Variants in SMURF2 observed in about 807,000 individuals in gnomAD.
SMURF2 encodes the protein E3 ubiquitin-protein ligase SMURF2.
A neutral mutation model predicts 109.6 loss-of-function variants in SMURF2; 48 were observed. That is an observed-to-expected ratio of 0.44 (90% CI 0.35 to 0.56). The LOEUF (loss-of-function observed/expected upper bound fraction) is 0.56. Among genes scored for constraint, SMURF2 ranks in the 20% least tolerant of loss-of-function variants. The pLI, the probability that SMURF2 is intolerant of heterozygous loss-of-function variation, is 0.01. For synonymous variants in SMURF2, 288 were observed against 317.1 expected (o/e 0.91, Z 0.97); for missense variants, 575 against 909.0 (o/e 0.63, Z 4.72).
At chr17:64,550,776 A>AAAAAAG (rs1555683534) in intron 16 of SMURF2, among the ~76,000 whole-genome samples, 1 of 150,230 alleles carries the variant, frequency 6.7e-6, no homozygotes, top group African/African-American at 2.5e-5. Context: ...AAAAAAAAAA[A>AAAAAAG]AGAGAGAGAC....
chr17:64,610,850 C>G (rs1970034246), intron 1 of SMURF2, among the ~76,000 whole-genome samples: 1 of 152,194 alleles, frequency 6.6e-6, no homozygotes, highest in Non-Finnish European at 1.5e-5. Flanking sequence ...GGCTTCCTCC[C>G]TCACCATTGC....
rs1555684968 is a variant in SMURF2, at chr17:64,566,558, C to CTGGTT, written c.1017-3597_1017-3593dup. On this transcript the variant is annotated intron_variant, in intron 10 of 18. Transcript: ENST00000262435. The stretch of plus-strand genomic sequence containing the variant: ...ACGGATGTAGAAATGCTTAAGCTTT[C>CTGGTT]TGGTTTTTTTTTTTTTTTTTTTTTT... Among the ~76,000 whole-genome samples the CTGGTT allele has an allele frequency of 2.3e-3, 67 of 28,516 alleles. 3 individuals are homozygous for CTGGTT. The highest frequency in any genetic ancestry group is 7.3e-3 in the Admixed American group (13 of 1,780). The allele number at this position is 28,516 out of a possible 152,430, so 18.7% of individuals were successfully genotyped here. A position where few individuals can be genotyped will look rare whatever the true frequency, so the allele number is the denominator to read the frequency against.
chr17:64,662,056 C>A lies in SMURF2; in HGVS notation c.-176G>T. ...GCCATGAGCCGCGGAGGGAGCGGGACGCCGAGCTCCCCCCTCCTCCCACTT... is the reference window on the plus strand; with the variant it reads ...GCCATGAGCCGCGGAGGGAGCGGGAAGCCGAGCTCCCCCCTCCTCCCACTT... On this transcript the variant is annotated 5_prime_UTR_variant, in exon 1 of 19. Coordinates refer to ENST00000262435, the MANE Select transcript of SMURF2 (RefSeq NM_022739.4). The A allele has an allele frequency of 9.0e-7, 1 of 1,106,408 alleles. No homozygotes were observed. 68.5% of individuals were successfully genotyped at this position (1,106,408 alleles called of 1,614,324 possible). A position where few individuals can be genotyped will look rare whatever the true frequency, so the allele number is the denominator to read the frequency against.
intron 3 of SMURF2, among the ~76,000 whole-genome samples, chr17:64,597,396 G>C (rs1459533473): frequency 4.6e-5 from 7 of 152,090 alleles, no homozygotes; most frequent in South Asian, 2.1e-4. Flanking sequence ...CTGAGCAATA[G>C]AGTGAGACTG....
intron 1 of SMURF2, among the ~76,000 whole-genome samples, chr17:64,656,562 G>C (rs1264316441): frequency 6.6e-6 from 1 of 151,990 alleles, no homozygotes; most frequent in Non-Finnish European, 1.5e-5. Context: ...TCCAACTCTT[G>C]TAAGAAGCAG....
chr17:64,609,686 G>A (rs1310979384), intron 1 of SMURF2, among the ~76,000 whole-genome samples: 2 of 128,312 alleles, frequency 1.6e-5, no homozygotes, highest in African/African-American at 8.4e-5. Context: ...GAAAACCTAG[G>A]CAATACCATT....
At chr17:64,596,875 T>C (rs8072286) in intron 3 of SMURF2, among the ~76,000 whole-genome samples, 2 of 152,254 alleles carry the variant, frequency 1.3e-5, no homozygotes, top group South Asian at 2.1e-4. Flanking sequence ...AGGAGATAAA[T>C]AGATAACTAA....
chr17:64,628,288 GA>G (rs1970293794), intron 1 of SMURF2, among the ~76,000 whole-genome samples: 1 of 152,160 alleles, frequency 6.6e-6, no homozygotes, highest in Non-Finnish European at 1.5e-5. Flanking sequence ...AGAATACTCA[GA>G]AAACTCAAAC....
At chr17:64,629,214 G>C (rs2043334084) in intron 1 of SMURF2, among the ~76,000 whole-genome samples, 2 of 152,186 alleles carry the variant, frequency 1.3e-5, no homozygotes, top group Non-Finnish European at 2.9e-5. Flanking sequence ...CTAATCAGAA[G>C]AAAGTTTAAG....
At chr17:64,602,742 C>T (rs1969915132) in intron 2 of SMURF2, among the ~76,000 whole-genome samples, 1 of 152,152 alleles carries the variant, frequency 6.6e-6, no homozygotes, top group Non-Finnish European at 1.5e-5. Context: ...TCCTGGCTAA[C>T]ACGGTGCAAC....
chr17:64,549,208 G>T (rs1411579596), intron 16 of SMURF2, among the ~76,000 whole-genome samples: 1 of 146,556 alleles, frequency 6.8e-6, no homozygotes, highest in Admixed American at 6.9e-5. Context: ...AGGAAGTAGA[G>T]GTTGTAGGGA....
chr17:64,606,548 G>A (rs2144675327), intron 2 of SMURF2, 54 bp downstream of exon 2: 6 of 1,250,238 alleles, frequency 4.8e-6, no homozygotes, highest in East Asian at 2.5e-5. Flanking sequence ...TTCTGAAAAC[G>A]CTGTTCCCAA....
intron 1 of SMURF2, among the ~76,000 whole-genome samples, chr17:64,636,196 G>T (rs1970414057): frequency 6.6e-6 from 1 of 151,938 alleles, no homozygotes; most frequent in South Asian, 2.1e-4. Flanking sequence ...TGTTCTCAGG[G>T]GATCCTCCCA....
intron 1 of SMURF2, among the ~76,000 whole-genome samples, chr17:64,646,044 G>A (rs1478421422): frequency 6.6e-6 from 1 of 151,920 alleles, no homozygotes; most frequent in Admixed American, 6.6e-5. Flanking sequence ...TCTGGGAAAT[G>A]GCATTTGACT....
At chr17:64,588,759 A>G (rs1267413408) in intron 5 of SMURF2, among the ~76,000 whole-genome samples, 4 of 152,054 alleles carry the variant, frequency 2.6e-5, no homozygotes, top group African/African-American at 9.7e-5. Flanking sequence ...AGCTGGGACT[A>G]CAGGCACACA....
chr17:64,578,579 G>A lies in SMURF2; in HGVS notation c.773-3C>T. The A allele has an allele frequency of 6.2e-7, 1 of 1,604,032 alleles. No individual in the cohort carries two copies. Among genetic ancestry groups the A allele is most frequent in the African/African-American group, 1.3e-5 (1 of 74,826 alleles). On this transcript the variant is annotated splice_polypyrimidine_tract_variant and splice_region_variant and intron_variant, in intron 8 of 18. Coordinates refer to ENST00000262435, the MANE Select transcript of SMURF2 (RefSeq NM_022739.4). ...GCCTTGTTGCGTTGTCCTCTGTTCTGTAAAATTAATAAACACTGATAACAA... is the reference window on the plus strand; with the variant it reads ...GCCTTGTTGCGTTGTCCTCTGTTCTATAAAATTAATAAACACTGATAACAA...
intron 1 of SMURF2, among the ~76,000 whole-genome samples, chr17:64,618,261 C>T (rs568150929): frequency 3.3e-5 from 5 of 152,086 alleles, no homozygotes; most frequent in South Asian, 2.1e-4. Flanking sequence ...AGTGAGACTC[C>T]GCCTCTAAAA....
chr17:64,589,027 G>A lies in SMURF2; in HGVS notation c.400+2057C>T, dbSNP rs1969711667. 2.0e-5 allele frequency among the ~76,000 whole-genome samples: 3 copies of A among 152,044 alleles called. No homozygotes were observed. The South Asian group carries it at 6.2e-4, about 32-fold the overall frequency. ...ATTTGTTAGAGGGCTCATTCTGAAC[G>A]AACTGGAACTCATTCTGTTTTTGAA... On this transcript the variant is annotated intron_variant, in intron 5 of 18. Transcript: ENST00000262435.
At chr17:64,661,537 GTCT>G in intron 1 of SMURF2, among the ~76,000 whole-genome samples, 2 of 152,138 alleles carry the variant, frequency 1.3e-5, no homozygotes, top group Non-Finnish European at 1.5e-5. Context: ...GGGAGGCAGC[GTCT>G]GGCTCCTTGA....
Sources: gnomAD v4.1 joint callset for allele counts (sites outside exome capture counted in the v4.1 genomes callset) on GRCh38, gnomAD v4.1.1 for gene constraint, MANE v1.5 for transcripts, NCBI Gene and HGNC (gene_info 2026-07-23, HGNC 2026-07-21) for gene names.